ESRRB: variants seen among roughly 807,000 people sequenced by gnomAD.
The protein encoded by ESRRB is steroid hormone receptor ERR2.
In ESRRB, 16 loss-of-function variants were observed where a neutral mutation model predicts 46.0. The ratio of observed to expected loss-of-function variants is 0.35; its 90% CI spans 0.24 to 0.53. The LOEUF (loss-of-function observed/expected upper bound fraction) is 0.53, where lower values mean the gene tolerates loss of function less well. Among genes scored for constraint, ESRRB ranks in the 20% least tolerant of loss-of-function variants. The pLI is 0.93. For missense variants in ESRRB, 488 were observed against 607.4 expected, an observed-to-expected ratio of 0.80 and a Z score of 2.07; for synonymous variants, 246 against 259.6, an observed-to-expected ratio of 0.95 and a Z score of 0.50.
intron 1 of ESRRB, among the ~76,000 whole-genome samples, chr14:76,414,668 TAAAAAAAA>T (rs71452810): frequency 0.069 from 8,072 of 116,904 alleles, 696 homozygotes; most frequent in African/African-American, 0.21. Flanking sequence ...GTTTGTTCCT[TAAAAAAAA>T]AAAAAAAAAA....
intron 1 of ESRRB, among the ~76,000 whole-genome samples, chr14:76,397,162 T>C (rs1013293375): frequency 6.6e-6 from 1 of 152,188 alleles, no homozygotes; most frequent in African/African-American, 2.4e-5. Context: ...CCTGGTGACA[T>C]TTCTCATTGT....
rs1885949161 is a variant in ESRRB at position 76,401,620 on chromosome 14, A to G, written c.50+25169A>G. 2.0e-5 allele frequency among the ~76,000 whole-genome samples: 3 copies of G among 152,348 alleles called. No individual in the cohort carries two copies. In the South Asian group the frequency reaches 6.2e-4, roughly 32 times the overall value. The stretch of plus-strand genomic sequence containing the variant: ...ACCTTTTCTTTGTATAGATATACAC[A>G]TACCATTGTATTACAATTACCTACA... On this transcript the variant is annotated intron_variant, in intron 1 of 6. Transcript: ENST00000644823.
chr14:76,428,367 T>G (rs528097266), intron 1 of ESRRB, among the ~76,000 whole-genome samples: 1 of 152,132 alleles, frequency 6.6e-6, no homozygotes, highest in African/African-American at 2.4e-5. Flanking sequence ...TTAAGAAAAG[T>G]TAAGCTAAAT....
At chr14:76,398,674 TTGGGCATTGCATTCG>T (rs1397720759) in intron 1 of ESRRB, among the ~76,000 whole-genome samples, 1 of 152,162 alleles carries the variant, frequency 6.6e-6, no homozygotes, top group East Asian at 1.9e-4. Context: ...CTGGTTGGCA[TTGGGCATTGCATTCG>T]GGGTCAACCA....
At chr14:76,392,010 C>T (rs76378513) in intron 1 of ESRRB, among the ~76,000 whole-genome samples, 4,970 of 152,300 alleles carry the variant, frequency 0.033, 294 homozygotes, top group African/African-American at 0.11. Context: ...CTCTGTGTTT[C>T]TTTCTGCTGG....
intron 3 of ESRRB, among the ~76,000 whole-genome samples, chr14:76,476,240 T>C (rs1889581948): frequency 6.6e-6 from 1 of 152,208 alleles, no homozygotes; most frequent in Admixed American, 6.5e-5. Flanking sequence ...AATTTTGACC[T>C]GTACACATTA....
At chr14:76,408,040 T>C (rs996749971) in intron 1 of ESRRB, among the ~76,000 whole-genome samples, 1 of 152,120 alleles carries the variant, frequency 6.6e-6, no homozygotes, top group Non-Finnish European at 1.5e-5. Flanking sequence ...GGACACAGTG[T>C]CTGGCTCCAG....
At chr14:76,332,762 T>A (rs1884043845) in intron 1 of ESRRB, among the ~76,000 whole-genome samples, 2 of 13,086 alleles carry the variant, frequency 1.5e-4, no homozygotes, top group African/African-American at 2.8e-4. Context: ...TATATATAAA[T>A]ATATAATATA....
At chr14:76,389,707 G>T (rs1885388879) in intron 1 of ESRRB, among the ~76,000 whole-genome samples, 1 of 152,198 alleles carries the variant, frequency 6.6e-6, no homozygotes, top group Non-Finnish European at 1.5e-5. Context: ...ACCAGCTCAG[G>T]AGAGCTCACT....
At chr14:76,391,470 A>G (rs1018799491) in intron 1 of ESRRB, among the ~76,000 whole-genome samples, 2 of 152,272 alleles carry the variant, frequency 1.3e-5, no homozygotes, top group Non-Finnish European at 2.9e-5. Flanking sequence ...TGCATGCTGT[A>G]CAGGCCAGAA....
chr14:76,456,462 G>T (rs999519572), intron 2 of ESRRB, among the ~76,000 whole-genome samples: 1 of 152,180 alleles, frequency 6.6e-6, no homozygotes, highest in Non-Finnish European at 1.5e-5. Flanking sequence ...GACCATGGTC[G>T]CAAGGGGTGA....
intron 1 of ESRRB, among the ~76,000 whole-genome samples, chr14:76,429,127 T>C (rs10139620): frequency 0.47 from 71,865 of 151,832 alleles, 19,460 homozygotes; most frequent in African/African-American, 0.74. Context: ...TAGAGGGTAT[T>C]GGGGGGCTGC....
intron 1 of ESRRB, among the ~76,000 whole-genome samples, chr14:76,433,650 G>A (rs186528031): frequency 3.6e-4 from 55 of 152,136 alleles, no homozygotes; most frequent in African/African-American, 1.3e-3. Context: ...TACCCTTCAC[G>A]GCCAATTTTC....
At chr14:76,319,933 T>C (rs1883848532) in intron 1 of ESRRB, among the ~76,000 whole-genome samples, 1 of 152,118 alleles carries the variant, frequency 6.6e-6, no homozygotes, top group African/African-American at 2.4e-5. Flanking sequence ...ATTTTAAAAC[T>C]TGCAATATAT....
chr14:76,330,732 C>G (rs1030008342), intron 1 of ESRRB, among the ~76,000 whole-genome samples: 1 of 152,186 alleles, frequency 6.6e-6, no homozygotes, highest in Non-Finnish European at 1.5e-5. Context: ...AGGGCGCTGT[C>G]CCTGGTGGAG....
intron 1 of ESRRB, among the ~76,000 whole-genome samples, chr14:76,398,913 G>A (rs1885816298): frequency 6.6e-6 from 1 of 152,164 alleles, no homozygotes; most frequent in Admixed American, 6.5e-5. Flanking sequence ...ATTCGGTTCA[G>A]CCTCTCTGTC....
chr14:76,405,680 C>T (rs1886156362), intron 1 of ESRRB, among the ~76,000 whole-genome samples: 1 of 151,822 alleles, frequency 6.6e-6, no homozygotes, highest in South Asian at 2.1e-4. Flanking sequence ...AGGATTTAGC[C>T]CTTCTCCCTG....
In ESRRB at chr14:76,501,078, G is replaced by A; in HGVS notation, c.*2620G>A. ...TTAGTGGAAGGTGGTGAAGTGAGGAGAGTTTAGGGGAACCTTCCCCCAGTG... is the reference window on the plus strand; with the variant it reads ...TTAGTGGAAGGTGGTGAAGTGAGGAAAGTTTAGGGGAACCTTCCCCCAGTG... On this transcript the variant is annotated 3_prime_UTR_variant, in exon 7 of 7. Transcript: ENST00000644823. The A allele has an allele frequency of 6.0e-6, 2 of 332,892 alleles. No individual in the cohort carries two copies. The highest frequency in any genetic ancestry group is 1.1e-5 in the Non-Finnish European group (2 of 178,530). The allele number at this position is 332,892 out of a possible 1,614,324, so 20.6% of individuals were successfully genotyped here.
intron 1 of ESRRB, among the ~76,000 whole-genome samples, chr14:76,358,241 G>A (rs1884407524): frequency 6.6e-6 from 1 of 150,864 alleles, no homozygotes; most frequent in Admixed American, 6.6e-5. Context: ...GAACCTGGGA[G>A]GTGGAGGTTT....
Sources: allele counts gnomAD v4.1 joint callset (sites outside exome capture counted in the v4.1 genomes callset), GRCh38; gene constraint gnomAD v4.1.1; transcripts MANE v1.5; gene names NCBI Gene and HGNC (gene_info 2026-07-23, HGNC 2026-07-21).